Variants in PACRG observed in about 807,000 individuals in gnomAD.
PACRG encodes parkin coregulated.
Under a neutral mutation model 29.7 loss-of-function variants are expected in PACRG, and 29 were observed. The observed-to-expected ratio is 0.98, with a 90% CI of 0.73 to 1.33. PACRG has a LOEUF of 1.33. Among genes scored for constraint, PACRG ranks in the 40% most tolerant of loss-of-function variants. PACRG has a pLI of 0.00. For synonymous variants in PACRG, 116 were observed against 118.7 expected, an observed-to-expected ratio of 0.98 and a Z score of 0.15; for missense variants, 279 against 316.2, an observed-to-expected ratio of 0.88 and a Z score of 0.89.
chr6:162,801,953 T>C (rs1470363835), intron 1 of PACRG, among the ~76,000 whole-genome samples: 1 of 152,176 alleles, frequency 6.6e-6, no homozygotes, highest in Non-Finnish European at 1.5e-5. Context: ...GAATTCAGGT[T>C]CATAGGAAAT....
rs1584170817 is a variant in PACRG, at chr6:162,733,941, T to A, written c.156+5550T>A. ...TCTAATATTAATTTAGTTGAGCCTG[T>A]GTTTTTCTTCTACCAGAGAGTAAGC... On this transcript the variant is annotated intron_variant, in intron 1 of 4. Coordinates refer to ENST00000366888, the MANE Select transcript of PACRG (RefSeq NM_001080379.2). 2.0e-5 allele frequency among the ~76,000 whole-genome samples: 3 copies of A among 152,308 alleles called. 1 individual carries two copies. In the South Asian group the frequency reaches 6.2e-4, roughly 32 times the overall value.
At chr6:162,965,239 A>C (rs1490658987) in intron 2 of PACRG, among the ~76,000 whole-genome samples, 2 of 152,250 alleles carry the variant, frequency 1.3e-5, no homozygotes, top group African/African-American at 4.8e-5. Context: ...GATAGATAGT[A>C]GAAGACTGAT....
intron 1 of PACRG, among the ~76,000 whole-genome samples, chr6:162,799,630 CT>C (rs531887803): frequency 1.5e-4 from 23 of 148,458 alleles, no homozygotes; most frequent in East Asian, 3.9e-4. Context: ...AAGTGGGACC[CT>C]TTTTTTTTTC....
intron 4 of PACRG, among the ~76,000 whole-genome samples, chr6:163,104,610 C>T (rs571520052): frequency 7.2e-5 from 11 of 152,192 alleles, no homozygotes; most frequent in South Asian, 2.1e-4. Context: ...AATAGTAACT[C>T]GCATGTGATT....
intron 4 of PACRG, among the ~76,000 whole-genome samples, chr6:163,271,387 T>C (rs1468904852): frequency 1.3e-5 from 2 of 152,272 alleles, no homozygotes; most frequent in African/African-American, 4.8e-5. Context: ...CACTCAATAT[T>C]AACCATCACA....
At chr6:163,124,034 A>AT (rs1816414819) in intron 4 of PACRG, among the ~76,000 whole-genome samples, 1 of 152,172 alleles carries the variant, frequency 6.6e-6, no homozygotes, top group Non-Finnish European at 1.5e-5. Context: ...ATGGTATTCT[A>AT]TTTTAATTTT....
chr6:163,272,726 A>G (rs1203788823), intron 4 of PACRG, among the ~76,000 whole-genome samples: 1 of 152,024 alleles, frequency 6.6e-6, no homozygotes, highest in Non-Finnish European at 1.5e-5. Context: ...TTTTGTTTTT[A>G]TCAATGGTGG....
At chr6:163,013,143 C>T (rs989137267) in intron 2 of PACRG, among the ~76,000 whole-genome samples, 1 of 151,454 alleles carries the variant, frequency 6.6e-6, no homozygotes, top group African/African-American at 2.4e-5. Flanking sequence ...TTACTTTTTA[C>T]TTTGGCTTTG....
chr6:162,794,200 T>G (rs1785182214), intron 1 of PACRG, among the ~76,000 whole-genome samples: 1 of 152,094 alleles, frequency 6.6e-6, no homozygotes, highest in Admixed American at 6.5e-5. Context: ...TTTGCACCCC[T>G]GTGATTATTA....
chr6:163,089,405 A>G lies in PACRG; in HGVS notation c.610A>G (p.Asn204Asp). Residue 204 changes from asparagine to aspartate, a missense_variant, in exon 4 of 5, where the codon AAT becomes GAT. Coordinates refer to ENST00000366888, the MANE Select transcript of PACRG (RefSeq NM_001080379.2). Reference sequence around the variant, plus strand: ...TGTCCTGAACATCTTTAAGAATATGAATGGTGAGTGAGCCCACGAGTCAAA... The same window carrying G: ...TGTCCTGAACATCTTTAAGAATATGGATGGTGAGTGAGCCCACGAGTCAAA... Reference protein sequence around the residue: ...LPVLNIFKNMNVNSGDGIDYS... With the variant: ...LPVLNIFKNMDVNSGDGIDYS... 1 of 1,613,348 alleles carries G rather than the reference A, an allele frequency of 6.2e-7. No homozygotes were observed. Among genetic ancestry groups the G allele is most frequent in the Non-Finnish European group, 8.5e-7 (1 of 1,179,644 alleles).
chr6:163,177,737 T>TTTTTTTTG (rs1779447560), intron 4 of PACRG, among the ~76,000 whole-genome samples: 2 of 141,814 alleles, frequency 1.4e-5, no homozygotes, highest in African/African-American at 5.5e-5. Flanking sequence ...TTTTTTTTTT[T>TTTTTTTTG]GCGGGTGGGA....
intron 4 of PACRG, among the ~76,000 whole-genome samples, chr6:163,127,137 G>A (rs1816548626): frequency 6.6e-6 from 1 of 152,196 alleles, no homozygotes; most frequent in African/African-American, 2.4e-5. Flanking sequence ...GAAGTGGCAA[G>A]TGCCATTTCT....
intron 2 of PACRG, among the ~76,000 whole-genome samples, chr6:162,868,678 C>T (rs1041820310): frequency 6.6e-6 from 1 of 152,218 alleles, no homozygotes; most frequent in African/African-American, 2.4e-5. Context: ...TCCGGCTCAT[C>T]ACCTGCTTCC....
chr6:163,219,419 T>C (rs1781487433), intron 4 of PACRG, among the ~76,000 whole-genome samples: 1 of 152,256 alleles, frequency 6.6e-6, no homozygotes, highest in Non-Finnish European at 1.5e-5. Context: ...TGTCTCTGGG[T>C]TGAACTTCTG....
At chr6:162,855,466 T>A (rs562049325) in intron 2 of PACRG, among the ~76,000 whole-genome samples, 213 of 152,100 alleles carry the variant, frequency 1.4e-3, no homozygotes, top group Non-Finnish European at 2.6e-3. Flanking sequence ...GATGAAGGAA[T>A]TATTATAGCC....
At chr6:163,247,538 C>G (rs1782740479) in intron 4 of PACRG, among the ~76,000 whole-genome samples, 1 of 152,208 alleles carries the variant, frequency 6.6e-6, no homozygotes, top group Non-Finnish European at 1.5e-5. Flanking sequence ...TGGTATTGAG[C>G]AGAACCTGCT....
At chr6:162,830,815 ACTGAGACATC>A (rs1404676598) in intron 2 of PACRG, among the ~76,000 whole-genome samples, 3 of 152,294 alleles carry the variant, frequency 2.0e-5, no homozygotes, top group South Asian at 2.1e-4. Flanking sequence ...GGGAGAGAGG[ACTGAGACATC>A]CTGAGACATC....
At chr6:163,273,347 T>TTTTTG (rs1277369138) in intron 4 of PACRG, among the ~76,000 whole-genome samples, 1 of 152,206 alleles carries the variant, frequency 6.6e-6, no homozygotes, top group Non-Finnish European at 1.5e-5. Flanking sequence ...TTAAGGTGTT[T>TTTTTG]TTTTGTTTTG....
chr6:162,803,842 A>G (rs558025201), intron 1 of PACRG, among the ~76,000 whole-genome samples: 133 of 152,288 alleles, frequency 8.7e-4, no homozygotes, highest in African/African-American at 3.1e-3. Flanking sequence ...CATAAAATAT[A>G]CAAAAAATTT....
Sources: allele counts gnomAD v4.1 joint callset (sites outside exome capture counted in the v4.1 genomes callset), GRCh38; gene constraint gnomAD v4.1.1; transcripts MANE v1.5; gene names NCBI Gene and HGNC (gene_info 2026-07-23, HGNC 2026-07-21).